TTC7A: variants seen among roughly 807,000 people sequenced by gnomAD.
TTC7A encodes the protein tetratricopeptide repeat domain 7A.
A neutral mutation model predicts 103.7 loss-of-function variants in TTC7A; 110 were observed. The observed-to-expected ratio is 1.06, with a 90% confidence interval of 0.91 to 1.24. The LOEUF (loss-of-function observed/expected upper bound fraction) is 1.24. TTC7A is among the 50% of genes most tolerant of loss of function. The pLI, the probability that TTC7A is intolerant of heterozygous loss-of-function variation, is 0.00. For synonymous variants in TTC7A, 521 were observed against 467.9 expected, an observed-to-expected ratio of 1.11 and a Z score of -1.47; for missense variants, 1,340 against 1,116.3, an observed-to-expected ratio of 1.20 and a Z score of -2.86.
rs1043358624 is a variant in TTC7A at position 47,074,248 on chromosome 2, G to A, written c.*325G>A. The A allele has an allele frequency of 8.6e-5, 32 of 374,054 alleles. 2 individuals carry two copies. The highest frequency in any genetic ancestry group is 8.0e-4 in the Middle Eastern group (1 of 1,250). The allele number at this position is 374,054 out of a possible 1,614,324, so 23.2% of individuals were successfully genotyped here. On this transcript the variant is annotated 3_prime_UTR_variant, in exon 20 of 20. Transcript: ENST00000319190. ...CCCTCACCCATGCCTCTGGCTTGGA[G>A]TCTGGGTGGGGGGTTCTCACTCCCC...
intron 2 of TTC7A, among the ~76,000 whole-genome samples, chr2:46,926,138 C>T (rs1669371582): frequency 6.6e-6 from 1 of 152,214 alleles, no homozygotes; most frequent in African/African-American, 2.4e-5. Context: ...TCTTAGCATT[C>T]CCTCCACAGA....
intron 8 of TTC7A, among the ~76,000 whole-genome samples, chr2:47,004,016 TG>T (rs1677116729): frequency 6.6e-6 from 1 of 152,198 alleles, no homozygotes; most frequent in Non-Finnish European, 1.5e-5. Context: ...TGGACTTCAC[TG>T]GGAAGGAGGG....
At chr2:47,040,681 G>A (rs1012218790) in intron 15 of TTC7A, among the ~76,000 whole-genome samples, 7 of 152,164 alleles carry the variant, frequency 4.6e-5, no homozygotes, top group African/African-American at 1.4e-4. Context: ...GCCGGCCTGC[G>A]GCTTCAAAGC....
intron 5 of TTC7A, among the ~76,000 whole-genome samples, chr2:46,992,000 G>T (rs910241529): frequency 4.6e-5 from 7 of 152,222 alleles, no homozygotes; most frequent in Non-Finnish European, 1.0e-4. Context: ...ATGGCTCCCA[G>T]GCCCCAAAGC....
chr2:46,938,376 A>T (rs995924095), upstream of TTC7A, among the ~76,000 whole-genome samples: 1 of 152,088 alleles, frequency 6.6e-6, no homozygotes, highest in African/African-American at 2.4e-5. Context: ...CTTGGGTCAT[A>T]CGCCTATCTA....
intron 15 of TTC7A, among the ~76,000 whole-genome samples, chr2:47,033,673 C>G (rs758548291): frequency 1.3e-5 from 2 of 152,230 alleles, no homozygotes; most frequent in Non-Finnish European, 2.9e-5. Flanking sequence ...GACACCTGCT[C>G]TCTCTCCCCT....
chr2:47,067,033 G>A (rs1232406864), intron 19 of TTC7A, among the ~76,000 whole-genome samples: 1 of 152,148 alleles, frequency 6.6e-6, no homozygotes, highest in East Asian at 1.9e-4. Context: ...AGGGGAAGCC[G>A]AACTCATCCT....
intron 18 of TTC7A, among the ~76,000 whole-genome samples, chr2:47,052,890 G>T (rs552994280): frequency 3.3e-5 from 5 of 152,186 alleles, no homozygotes; most frequent in Non-Finnish European, 7.3e-5. Flanking sequence ...TGTCCCCAGG[G>T]GGGGAGTTGG....
chr2:47,030,332 C>A (rs1313371220), intron 15 of TTC7A, among the ~76,000 whole-genome samples: 1 of 152,130 alleles, frequency 6.6e-6, no homozygotes, highest in Non-Finnish European at 1.5e-5. Context: ...TGGTGCCAGC[C>A]TAGGGAGGTT....
In TTC7A at chr2:47,041,473, C is replaced by G. The variant is rs80107589; in HGVS notation, c.1803-4842C>G. Among the ~76,000 whole-genome samples the G allele has an allele frequency of 2.0e-5, 3 of 152,316 alleles. No homozygotes were observed. In the East Asian group the frequency reaches 5.8e-4, roughly 29 times the overall value. On this transcript the variant is annotated intron_variant, in intron 15 of 19. Coordinates refer to ENST00000319190, the MANE Select transcript of TTC7A (RefSeq NM_020458.4). Reference sequence around the variant, plus strand: ...TCTGACATTAAAAATGCTTGATACGCCAGTCGCGGTGGCTCAAGCCTGTAA... The same window carrying G: ...TCTGACATTAAAAATGCTTGATACGGCAGTCGCGGTGGCTCAAGCCTGTAA...
chr2:47,052,833 C>G (rs974863278), intron 18 of TTC7A, among the ~76,000 whole-genome samples: 1 of 152,278 alleles, frequency 6.6e-6, no homozygotes, highest in South Asian at 2.1e-4. Context: ...TGCATTTTCT[C>G]TGATTACCCT....
intron 2 of TTC7A, among the ~76,000 whole-genome samples, chr2:46,919,839 A>C (rs753328817): frequency 1.3e-5 from 2 of 152,232 alleles, no homozygotes; most frequent in African/African-American, 4.8e-5. Context: ...TTGTTTAGAG[A>C]AAAGGTCTTG....
chr2:46,997,625 A>C (rs1262667663), intron 8 of TTC7A, among the ~76,000 whole-genome samples: 1 of 152,138 alleles, frequency 6.6e-6, no homozygotes, highest in Non-Finnish European at 1.5e-5. Flanking sequence ...GCAGTTTCCA[A>C]GCCCCAGGAC....
At chr2:47,037,719 G>T (rs553267507) in intron 15 of TTC7A, among the ~76,000 whole-genome samples, 113 of 152,286 alleles carry the variant, frequency 7.4e-4, no homozygotes, top group South Asian at 1.7e-3. Flanking sequence ...TCCTCTCAGC[G>T]CCCTAAGAGG....
In TTC7A at chr2:46,956,598, G is replaced by A. The variant is rs201383750; in HGVS notation, c.349-241G>A. On this transcript the variant is annotated intron_variant, in intron 2 of 19. Transcript: ENST00000319190. ...TGGAGTCTTGCTGGGGGCATAAAAC[G>A]CACACACATGAAACAATTAGGGACT... 18 of 522,754 alleles carry A rather than the reference G, an allele frequency of 3.4e-5. No homozygotes were observed. The East Asian group carries it at 4.1e-4, about 12-fold the overall frequency. The allele number at this position is 522,754 out of a possible 1,614,324, so 32.4% of individuals were successfully genotyped here.
At chr2:46,998,751 C>G (rs1016214613) in intron 8 of TTC7A, among the ~76,000 whole-genome samples, 1 of 152,142 alleles carries the variant, frequency 6.6e-6, no homozygotes, top group African/African-American at 2.4e-5. Context: ...TGTTTGCAGG[C>G]CTCCTTGTTT....
intron 8 of TTC7A, among the ~76,000 whole-genome samples, chr2:47,005,236 G>A (rs537617627): frequency 1.3e-5 from 2 of 152,124 alleles, no homozygotes; most frequent in Non-Finnish European, 2.9e-5. Context: ...GGAAGGGAGG[G>A]GGGGGCTCTG....
chr2:47,006,635 C>G lies in TTC7A; in HGVS notation c.1204-6C>G, dbSNP rs745364658. On this transcript the variant is annotated splice_region_variant and splice_polypyrimidine_tract_variant and intron_variant, in intron 9 of 19. Transcript: ENST00000319190. Reference sequence around the variant, plus strand: ...TGGGTAAATGCTGACTATCTCCCCTCCCCAGTGCCTGGAGCGAGCCATGAA... The same window carrying G: ...TGGGTAAATGCTGACTATCTCCCCTGCCCAGTGCCTGGAGCGAGCCATGAA... 3.7e-6 allele frequency: 6 copies of G among 1,613,464 alleles called. No homozygotes were observed. The highest frequency in any genetic ancestry group is 5.1e-6 in the Non-Finnish European group (6 of 1,179,376).
chr2:46,959,032 G>T (rs1672150846), intron 3 of TTC7A, among the ~76,000 whole-genome samples: 1 of 152,336 alleles, frequency 6.6e-6, no homozygotes, highest in East Asian at 1.9e-4. Flanking sequence ...GAGGAGTTAA[G>T]GTTGGAAGAA....
Sources: allele counts gnomAD v4.1 joint callset (sites outside exome capture counted in the v4.1 genomes callset), GRCh38; gene constraint gnomAD v4.1.1; transcripts MANE v1.5; gene names NCBI Gene and HGNC (gene_info 2026-07-23, HGNC 2026-07-21).